The following CASP10 variants were observed in gnomAD, a reference collection of about 807,000 sequenced individuals.
CASP10 encodes caspase-10.
CASP10 carries 41 observed loss-of-function variants against 48.5 expected under a neutral mutation model. The ratio of observed to expected loss-of-function variants is 0.85; its 90% CI spans 0.66 to 1.10. CASP10 has a LOEUF of 1.10. CASP10 is among the 50% of genes least tolerant of loss of function. The pLI is 0.00. For missense variants in CASP10, 614 were observed against 614.5 expected (o/e 1.00, Z 0.01); for synonymous variants, 232 against 238.4 (o/e 0.97, Z 0.25).
At chr2:201,203,699 A>G (rs1003503229) in intron 5 of CASP10, 31 bp from the exon 6 acceptor site, 10 of 1,602,976 alleles carry the variant, frequency 6.2e-6, no homozygotes, top group South Asian at 1.1e-5. Context: ...TGAAATTCCT[A>G]TGTTTCATGC....
intron 5 of CASP10, among the ~76,000 whole-genome samples, chr2:201,197,519 G>A (rs1322323384): frequency 1.3e-5 from 2 of 152,190 alleles, no homozygotes; most frequent in Non-Finnish European, 2.9e-5. Context: ...GGAGGCTGAG[G>A]CACAAGAATA....
chr2:201,217,922 TTC>T lies in CASP10; in HGVS notation c.*183_*184del. The T allele has an allele frequency of 6.9e-7, 1 of 1,448,044 alleles. No individual in the cohort carries two copies. The highest frequency in any genetic ancestry group is 9.1e-7 in the Non-Finnish European group (1 of 1,101,224). The allele number at this position is 1,448,044 out of a possible 1,614,324, so 89.7% of individuals were successfully genotyped here. A position where few individuals can be genotyped will look rare whatever the true frequency, so the allele number is the denominator to read the frequency against. On this transcript the variant is annotated 3_prime_UTR_variant, in exon 10 of 10. Transcript: ENST00000286186. ...TTGCAAGTCTAAATGTTAGAAAACT[TTC>T]TTTTTTTTGGAGATAGTCTCATTCT...
intron 5 of CASP10, among the ~76,000 whole-genome samples, chr2:201,198,848 A>G (rs768831263): frequency 6.6e-6 from 1 of 152,116 alleles, no homozygotes; most frequent in Non-Finnish European, 1.5e-5. Flanking sequence ...CCTATATTTT[A>G]TTCTTAAAAA....
chr2:201,217,287 C>T (rs1171761216), intron 9 of CASP10, among the ~76,000 whole-genome samples: 1 of 152,130 alleles, frequency 6.6e-6, no homozygotes, highest in African/African-American at 2.4e-5. Flanking sequence ...TTCTCTGGGC[C>T]AGGCACAGTG....
chr2:201,219,321 C>A lies in CASP10; in HGVS notation c.*1580C>A. 1 of 473,560 alleles carries A rather than the reference C, an allele frequency of 2.1e-6. No homozygotes were observed. Among genetic ancestry groups the A allele is most frequent in the Non-Finnish European group, 2.8e-6 (1 of 362,730 alleles). The allele number at this position is 473,560 out of a possible 1,614,324, so 29.3% of individuals were successfully genotyped here. A position where few individuals can be genotyped will look rare whatever the true frequency, so the allele number is the denominator to read the frequency against. On this transcript the variant is annotated 3_prime_UTR_variant, in exon 10 of 10. Transcript: ENST00000286186. Reference sequence around the variant, plus strand: ...AACATTTCAGTTGCCATTGACAGAACACCCAATTCAAATTGACTGAAGCAA... The same window carrying A: ...AACATTTCAGTTGCCATTGACAGAAAACCCAATTCAAATTGACTGAAGCAA...
chr2:201,217,642 A>G lies in CASP10; in HGVS notation c.1470A>G (p.Arg490=). The change falls in exon 10 of 10, where the codon AGA becomes AGG. Residue 490 remains arginine, a synonymous_variant. Transcript: ENST00000286186. ...CTGTCAACGATGATGTGAGTCGAAG[A>G]GTGGACAAACAGGGAACAAAGAAAC... ...LTAVNDDVSR[R]VDKQGTKKQM... is the part of the protein sequence containing the mutation. 6.2e-7 allele frequency: 1 copy of G among 1,614,212 alleles called. No individual in the cohort carries two copies. The highest frequency in any genetic ancestry group is 8.5e-7 in the Non-Finnish European group (1 of 1,180,028).
At chr2:201,200,243 G>A (rs74384623) in intron 5 of CASP10, among the ~76,000 whole-genome samples, 180 of 152,294 alleles carry the variant, frequency 1.2e-3, no homozygotes, top group Non-Finnish European at 2.3e-3. Flanking sequence ...GTGCTGGAGA[G>A]ACATTTTAAG....
rs531007363 is a variant in CASP10, at chr2:201,218,588, T to C, written c.*847T>C. 2 of 985,332 alleles carry C rather than the reference T, an allele frequency of 2.0e-6. No homozygotes were observed. Among genetic ancestry groups the C allele is most frequent in the South Asian group, 9.4e-5 (2 of 21,280 alleles). The allele number at this position is 985,332 out of a possible 1,614,324, so 61.0% of individuals were successfully genotyped here. A position where few individuals can be genotyped will look rare whatever the true frequency, so the allele number is the denominator to read the frequency against. On this transcript the variant is annotated 3_prime_UTR_variant, in exon 10 of 10. Coordinates refer to ENST00000286186, the MANE Select transcript of CASP10 (RefSeq NM_032977.4). ...AAGTTCTGGGACTACAGGCATGAAA[T>C]ACTGTGCCTGGCCTGGGGACCAGGT...
Position 201,208,093 on chromosome 2 carries a change from A to G in CASP10, c.832A>G (p.Met278Val). 1 of 1,613,728 alleles carries G rather than the reference A, an allele frequency of 6.2e-7. No homozygotes were observed. The highest frequency in any genetic ancestry group is 8.5e-7 in the Non-Finnish European group (1 of 1,179,662). ...TSTKRAAVYRMNRNHRGLCVI... is the reference protein window; with the variant it reads ...TSTKRAAVYRVNRNHRGLCVI... ...CTTCAAGAGGGCAGCTGTGTACAGG[A>G]TGAATCGGAACCACAGAGGCCTCTG... is the stretch of plus-strand genomic sequence containing the variant. The change falls in exon 8 of 10, where the codon ATG becomes GTG. Residue 278 changes from methionine to valine, a missense_variant. By Grantham distance (21) the Met-to-Val change is conservative. Transcript: ENST00000286186.
chr2:201,217,490 T>C, intron 9 of CASP10, 98 bp from the exon 10 acceptor site: 1 of 757,392 alleles, frequency 1.3e-6, no homozygotes, highest in Non-Finnish European at 2.4e-6. Context: ...ATCCAGGAGG[T>C]GGAGGCTGCA....
chr2:201,206,636 A>G (rs1945218584), intron 7 of CASP10, among the ~76,000 whole-genome samples: 1 of 149,634 alleles, frequency 6.7e-6, no homozygotes, highest in South Asian at 2.1e-4. Context: ...ATATATTCAC[A>G]TATATATAAA....
chr2:201,183,242 C>T lies in CASP10; in HGVS notation c.-74C>T, dbSNP rs1417806217. ...ACAGAGGATTCTACTTTCTTTAAAA[C>T]TTTGTTTTCAGGCAATTTCCCTGAG... On this transcript the variant is annotated 5_prime_UTR_variant, in exon 1 of 10. Transcript: ENST00000286186. 6.6e-6 allele frequency: 1 copy of T among 152,188 alleles called. No individual in the cohort carries two copies. The highest frequency in any genetic ancestry group is 1.5e-5 in the Non-Finnish European group (1 of 68,016). 9.4% of individuals were successfully genotyped at this position (152,188 alleles called of 1,614,324 possible).
intron 5 of CASP10, chr2:201,200,576 C>G: frequency 6.3e-7 from 1 of 1,578,846 alleles, no homozygotes; most frequent in South Asian, 1.1e-5. Context: ...TGACACAGAG[C>G]CGGGAGAGGC....
Position 201,219,443 on chromosome 2 carries a change from A to G in CASP10, c.*1702A>G. ...ATCAGGACTCAATCTACAGGCCAGC[A>G]CCTTTCTCTTGGCCGGATGTCCTCA... On this transcript the variant is annotated 3_prime_UTR_variant, in exon 10 of 10. Transcript: ENST00000286186. 1 of 985,420 alleles carries G rather than the reference A, an allele frequency of 1.0e-6. No homozygotes were observed. The highest frequency in any genetic ancestry group is 1.2e-6 in the Non-Finnish European group (1 of 829,938). The allele number at this position is 985,420 out of a possible 1,614,324, so 61.0% of individuals were successfully genotyped here. A position where few individuals can be genotyped will look rare whatever the true frequency, so the allele number is the denominator to read the frequency against.
chr2:201,194,195 C>T (rs926732592), intron 4 of CASP10, among the ~76,000 whole-genome samples: 6 of 151,804 alleles, frequency 4.0e-5, no homozygotes, highest in Non-Finnish European at 1.5e-5. Flanking sequence ...AAAAGTCAAA[C>T]CTGGCTGCCT....
chr2:201,213,420 T>C (rs759392383), intron 9 of CASP10: 1 of 152,186 alleles, frequency 6.6e-6, no homozygotes, highest in Non-Finnish European at 1.5e-5. Flanking sequence ...TGTTCCTTGT[T>C]GTGTTGTGAC....
intron 3 of CASP10, among the ~76,000 whole-genome samples, chr2:201,190,379 A>G (rs1432847041): frequency 2.6e-5 from 4 of 152,140 alleles, no homozygotes; most frequent in Non-Finnish European, 5.9e-5. Context: ...ATTTTGTTTT[A>G]GGGAATTCTT....
Position 201,193,020 on chromosome 2 carries a change from G to T in CASP10, c.478G>T (p.Gly160Cys). The change falls in exon 4 of 10, where the codon GGT becomes TGT. Residue 160 changes from glycine (G) to cysteine (C), a missense_variant. Gly to Cys is a radical substitution (Grantham distance 159). Coordinates refer to ENST00000286186, the MANE Select transcript of CASP10 (RefSeq NM_032977.4). Reference sequence around the variant, plus strand: ...TTTCCTGGCATTTCTAGAGAAACAAGGTAAAATAGATGAAGATAATCTGAC... The same window carrying T: ...TTTCCTGGCATTTCTAGAGAAACAATGTAAAATAGATGAAGATAATCTGAC... The part of the protein sequence containing the change: ...LSFLAFLEKQ[G>C]KIDEDNLTCL... The T allele has an allele frequency of 6.2e-7, 1 of 1,613,606 alleles. No homozygotes were observed. Among genetic ancestry groups the T allele is most frequent in the Admixed American group, 1.7e-5 (1 of 60,004 alleles).
intron 5 of CASP10, among the ~76,000 whole-genome samples, chr2:201,198,352 T>C (rs1196304323): frequency 6.6e-6 from 1 of 150,576 alleles, no homozygotes; most frequent in Admixed American, 6.6e-5. Flanking sequence ...GCCTCCCAAG[T>C]AGCTGGGATT....
Sources: allele counts gnomAD v4.1 joint callset (sites outside exome capture counted in the v4.1 genomes callset), GRCh38; gene constraint gnomAD v4.1.1; transcripts MANE v1.5; gene names NCBI Gene and HGNC (gene_info 2026-07-23, HGNC 2026-07-21).